NTRK1: variants seen among roughly 807,000 people sequenced by gnomAD.
NTRK1 encodes neurotrophic receptor tyrosine kinase 1, also known as high affinity nerve growth factor receptor.
In NTRK1, 62 loss-of-function variants were observed where a neutral mutation model predicts 86.8. That is an observed-to-expected ratio of 0.71 (90% CI 0.58 to 0.88). NTRK1 has a LOEUF of 0.88. Among genes scored for constraint, NTRK1 ranks in the 40% least tolerant of loss-of-function variants. NTRK1 has a pLI of 0.00. For synonymous variants in NTRK1, 469 were observed against 456.6 expected (o/e 1.03, Z -0.35); for missense variants, 967 against 1,078.4 (o/e 0.90, Z 1.45).
At chr1:156,862,662 G>A (rs933605867) in intron 1 of NTRK1, among the ~76,000 whole-genome samples, 14 of 152,166 alleles carry the variant, frequency 9.2e-5, no homozygotes, top group Middle Eastern at 3.4e-3. Flanking sequence ...TAATGGACTC[G>A]AATAGACAGA....
chr1:156,817,047 T>TTCTCCCTCTCTCTCTCTCTCTCTCTC (rs148320709), intron 1 of NTRK1, among the ~76,000 whole-genome samples: 3 of 113,782 alleles, frequency 2.6e-5, no homozygotes, highest in Non-Finnish European at 3.7e-5. Flanking sequence ...GAACTTCCCT[T>TTCTCCCTCTCTCTCTCTCTCTCTCTC]TCTCTCTCTC....
rs564964810 is a variant in NTRK1, at chr1:156,839,409, C to G, written c.-63-2672C>G. 5.3e-5 allele frequency among the ~76,000 whole-genome samples: 8 copies of G among 152,378 alleles called. No individual in the cohort carries two copies. The South Asian group carries it at 1.4e-3, about 28-fold the overall frequency. ...TGGGCAGCCCCTCCCGCTGCCACCC[C>G]CTTCGTCAAGGTTTGAAGTCATTCT... On this transcript the variant is annotated intron_variant, in intron 1 of 16. Transcript: ENST00000392302.
At chr1:156,841,263 G>C (rs113794909) in intron 1 of NTRK1, 21 of 1,028,168 alleles carry the variant, frequency 2.0e-5, no homozygotes, top group Middle Eastern at 3.0e-4. Context: ...TTTGGGATAG[G>C]GGGGTGGCGC....
At chr1:156,880,288 T>G in intron 16 of NTRK1, 131 bp downstream of exon 16, 1 of 906,414 alleles carries the variant, frequency 1.1e-6, no homozygotes. Context: ...TCCAGCGCCG[T>G]GCCCACACTG....
At chr1:156,869,607 C>T (rs1391334406) in intron 6 of NTRK1, among the ~76,000 whole-genome samples, 1 of 152,202 alleles carries the variant, frequency 6.6e-6, no homozygotes, top group Non-Finnish European at 1.5e-5. Flanking sequence ...CTTAATCTGC[C>T]TGCACTTTGG....
chr1:156,845,355 G>T (rs765274135), intron 2 of NTRK1: 5 of 1,598,580 alleles, frequency 3.1e-6, no homozygotes, highest in Non-Finnish European at 4.3e-6. Flanking sequence ...CTCAGCACCT[G>T]CCCTAGTCCT....
Position 156,817,047 on chromosome 1 carries a change from TTCTC to T in NTRK1, c.-64+1234_-64+1237del, listed in dbSNP as rs3840456. On this transcript the variant is annotated intron_variant, in intron 1 of 16. Transcript: ENST00000392302. ...CCTCACCCCAAACTAGAACTTCCCT[TTCTC>T]TCTCTCTCTCTCTCTCTCTCTCTCA... 1.1e-3 allele frequency among the ~76,000 whole-genome samples: 122 copies of T among 113,862 alleles called. 3 individuals are homozygous for T. The highest frequency in any genetic ancestry group is 7.6e-3 in the South Asian group (24 of 3,146). The allele number at this position is 113,862 out of a possible 152,430, so 74.7% of individuals were successfully genotyped here.
chr1:156,819,340 C>G (rs1401756295), intron 1 of NTRK1, among the ~76,000 whole-genome samples: 1 of 151,960 alleles, frequency 6.6e-6, no homozygotes, highest in Non-Finnish European at 1.5e-5. Flanking sequence ...TTAATTATGG[C>G]CATTCTTGCA....
At chr1:156,845,837 C>T (rs1654981305) in intron 2 of NTRK1, 1 of 1,608,436 alleles carries the variant, frequency 6.2e-7, no homozygotes, top group Admixed American at 1.7e-5. Flanking sequence ...CGGGAAGACA[C>T]TAGTAAGACA....
rs1648248003 is a variant in NTRK1 at position 156,881,399 on chromosome 1, C to G, written c.2206-58C>G. ...CCTCAGTGAGGGCACTGGGACTGGC[C>G]TCACTCTCTTGCCCCCAGCCTAGTG... On this transcript the variant is annotated intron_variant, in intron 16 of 16. Coordinates refer to ENST00000524377, the MANE Select transcript of NTRK1 (RefSeq NM_002529.4). The G allele has an allele frequency of 3.9e-6, 6 of 1,529,386 alleles. No individual in the cohort carries two copies. In the East Asian group the frequency reaches 1.5e-4, roughly 38 times the overall value. The allele number at this position is 1,529,386 out of a possible 1,614,324, so 94.7% of individuals were successfully genotyped here.
At chr1:156,875,058 G>A (rs757258228) in intron 11 of NTRK1, 50 bp downstream of exon 11, 7 of 1,330,192 alleles carry the variant, frequency 5.3e-6, no homozygotes, top group Non-Finnish European at 7.6e-6. Context: ...TCCTGGCTTT[G>A]TTTCCTACTG....
intron 2 of NTRK1, among the ~76,000 whole-genome samples, chr1:156,848,493 C>T (rs956044139): frequency 6.6e-6 from 1 of 152,158 alleles, no homozygotes; most frequent in African/African-American, 2.4e-5. Flanking sequence ...AGCTGTGGTC[C>T]CTGGCGGCCC....
At chr1:156,827,182 A>C (rs1654339391) in intron 1 of NTRK1, among the ~76,000 whole-genome samples, 1 of 50,182 alleles carries the variant, frequency 2.0e-5, no homozygotes. Flanking sequence ...CCCCAGGTGC[A>C]AGCAATCCTC....
At chr1:156,816,720 C>T in intron 1 of NTRK1, 3 of 1,594,522 alleles carry the variant, frequency 1.9e-6, no homozygotes, top group Non-Finnish European at 2.6e-6. Flanking sequence ...AGGGCAGCCT[C>T]ACAAGGGATC....
intron 2 of NTRK1, chr1:156,846,034 A>G: frequency 6.2e-7 from 1 of 1,613,794 alleles, no homozygotes; most frequent in African/African-American, 1.3e-5. Flanking sequence ...TGAGGTTCCC[A>G]TTGCGCTGGG....
chr1:156,852,017 G>A (rs1399145308), intron 2 of NTRK1: 5 of 1,613,586 alleles, frequency 3.1e-6, no homozygotes, highest in African/African-American at 1.3e-5. Context: ...ACAGCGCCAG[G>A]ACTCATACTG....
chr1:156,819,780 A>G (rs1276798671), intron 1 of NTRK1, among the ~76,000 whole-genome samples: 1 of 151,944 alleles, frequency 6.6e-6, no homozygotes, highest in African/African-American at 2.4e-5. Flanking sequence ...TGACCTCCCA[A>G]ATTGCTGGGA....
intron 2 of NTRK1, chr1:156,846,089 G>C (rs1182447123): frequency 1.2e-6 from 2 of 1,608,990 alleles, no homozygotes; most frequent in Non-Finnish European, 1.7e-6. Context: ...GGAGTTGGAC[G>C]TGGAGATGAC....
rs779430325 is a variant in NTRK1, at chr1:156,861,136, C to G, written c.202C>G (p.Leu68Val). The G allele has an allele frequency of 2.5e-6, 4 of 1,576,228 alleles. No individual in the cohort carries two copies. Among genetic ancestry groups the G allele is most frequent in the Non-Finnish European group, 3.4e-6 (4 of 1,164,834 alleles). Residue 68 changes from leucine (L) to valine (V), a missense_variant, in exon 1 of 17, where the codon CTG becomes GTG. Physicochemically the swap from Leu to Val is conservative, Grantham distance 32. This residue lies in a region of NTRK1 where 330 missense variants were observed against 302.0 expected (regional missense o/e 1.09). Coordinates refer to ENST00000524377, the MANE Select transcript of NTRK1 (RefSeq NM_002529.4). ...SLHHLPGAEN[L>V]TELYIENQQH... ...CCACCACCTGCCCGGCGCAGAGAAC[C>G]TGACTGAGCTGTGAGTGTCCGGCGG...
Sources: allele counts gnomAD v4.1 joint callset (sites outside exome capture counted in the v4.1 genomes callset), GRCh38; gene constraint gnomAD v4.1.1; regional missense constraint gnomAD v4.1.1; transcripts MANE v1.5; gene names NCBI Gene and HGNC (gene_info 2026-07-23, HGNC 2026-07-21).